The following SLC38A8 variants were observed in gnomAD, a reference collection of about 807,000 sequenced individuals.
SLC38A8 encodes amino acid transporter SLC38A8.
A neutral mutation model predicts 46.0 loss-of-function variants in SLC38A8; 65 were observed. The observed-to-expected ratio is 1.41, with a 90% CI of 1.16 to 1.74. The LOEUF is 1.74. Ranked by LOEUF, SLC38A8 falls within the 40% of genes most tolerant of loss-of-function variation. The pLI is 0.00. For synonymous variants in SLC38A8, 447 were observed against 243.7 expected (o/e 1.83, Z -7.77); for missense variants, 998 against 567.9 (o/e 1.76, Z -7.70).
At chr16:84,033,115 T>G (rs570716680) in intron 4 of SLC38A8, among the ~76,000 whole-genome samples, 2 of 152,262 alleles carry the variant, frequency 1.3e-5, no homozygotes, top group Non-Finnish European at 2.9e-5. Context: ...ATAAACTGAG[T>G]AGCACTGACG....
intron 2 of SLC38A8, among the ~76,000 whole-genome samples, chr16:84,040,647 C>G (rs1193386213): frequency 6.6e-6 from 1 of 152,230 alleles, no homozygotes; most frequent in African/African-American, 2.4e-5. Flanking sequence ...CACACTAGTC[C>G]AAACGCAGGC....
chr16:84,019,700 T>C (rs898057335), intron 7 of SLC38A8, among the ~76,000 whole-genome samples: 15 of 152,156 alleles, frequency 9.9e-5, no homozygotes, highest in African/African-American at 3.4e-4. Flanking sequence ...AGGTCCAAAG[T>C]CCAGAGTGTG....
chr16:84,023,184 C>T (rs537830369), intron 6 of SLC38A8, among the ~76,000 whole-genome samples: 1 of 152,164 alleles, frequency 6.6e-6, no homozygotes, highest in East Asian at 1.9e-4. Flanking sequence ...TCATTACAAA[C>T]ACCCACTGCC....
chr16:84,011,449 G>A (rs1486781656), intron 10 of SLC38A8, among the ~76,000 whole-genome samples: 3 of 152,210 alleles, frequency 2.0e-5, no homozygotes, highest in African/African-American at 7.2e-5. Flanking sequence ...GGCCAGGCCT[G>A]CTCCTTTGCA....
intron 2 of SLC38A8, among the ~76,000 whole-genome samples, chr16:84,039,367 C>G (rs2085341607): frequency 6.6e-6 from 1 of 152,208 alleles, no homozygotes; most frequent in African/African-American, 2.4e-5. Context: ...TCTAAGCTCC[C>G]TGAAGACTGG....
At chr16:84,034,242 G>C (rs538522486) in intron 3 of SLC38A8, among the ~76,000 whole-genome samples, 82 of 152,374 alleles carry the variant, frequency 5.4e-4, no homozygotes, top group African/African-American at 1.9e-3. Flanking sequence ...TTAAAGGCCA[G>C]ACCCAGAATG....
At chr16:84,032,508 G>A (rs1006005287) in intron 4 of SLC38A8, among the ~76,000 whole-genome samples, 4 of 152,160 alleles carry the variant, frequency 2.6e-5, no homozygotes, top group South Asian at 2.1e-4. Context: ...AATGGCACCC[G>A]GCGCCCTTCG....
intron 3 of SLC38A8, among the ~76,000 whole-genome samples, chr16:84,034,778 T>C (rs1013637736): frequency 6.6e-6 from 1 of 151,436 alleles, no homozygotes; most frequent in Admixed American, 6.6e-5. Context: ...ACCGAGATCG[T>C]GGGTGAGTTT....
intron 2 of SLC38A8, among the ~76,000 whole-genome samples, chr16:84,038,687 C>A (rs1277247482): frequency 1.3e-5 from 2 of 152,206 alleles, no homozygotes. Context: ...GGCGGAACAT[C>A]GCCACACCCC....
At chr16:84,012,279 G>A (rs957565718) in intron 10 of SLC38A8, among the ~76,000 whole-genome samples, 2 of 152,214 alleles carry the variant, frequency 1.3e-5, no homozygotes, top group Non-Finnish European at 2.9e-5. Context: ...TCATTCACGT[G>A]TACATCGTCC....
At chr16:84,018,503 G>A (rs1244733399) in intron 7 of SLC38A8, among the ~76,000 whole-genome samples, 1 of 152,076 alleles carries the variant, frequency 6.6e-6, no homozygotes, top group African/African-American at 2.4e-5. Flanking sequence ...ACAGGCATGA[G>A]CCACCGTGCC....
At position 84,031,905 on chromosome 16, in the gene SLC38A8, C is replaced by T. The variant is rs1247165219; in HGVS notation, c.594G>A (p.Trp198Ter). 1.2e-6 allele frequency: 2 copies of T among 1,614,198 alleles called. No homozygotes were observed. The highest frequency in any genetic ancestry group is 1.7e-6 in the Non-Finnish European group (2 of 1,180,024). The stretch of plus-strand genomic sequence containing the variant: ...GGGACTCACGCACGAGGCCCTGGGG[C>T]CAGAGGTAGTACTGCACGGTGATGA... Reference protein sequence around the residue: ...ALVITVQYYLWPQGLVRESHP... With the variant: ...ALVITVQYYL Residue 198 changes from tryptophan to a stop codon, truncating the protein, a stop_gained, in exon 5 of 11, where the codon TGG becomes TGA. Coordinates refer to ENST00000299709, the MANE Select transcript of SLC38A8 (RefSeq NM_001080442.3). LOFTEE classifies it high-confidence loss of function.
intron 2 of SLC38A8, among the ~76,000 whole-genome samples, chr16:84,039,305 A>G (rs2085340593): frequency 6.6e-6 from 1 of 152,226 alleles, no homozygotes; most frequent in Admixed American, 6.5e-5. Flanking sequence ...GGAAACAGAC[A>G]CATGCAATTG....
chr16:84,039,120 C>A (rs1016541874), intron 2 of SLC38A8, among the ~76,000 whole-genome samples: 1 of 152,080 alleles, frequency 6.6e-6, no homozygotes, highest in African/African-American at 2.4e-5. Flanking sequence ...GATTGGAGTC[C>A]TGAGGCCATA....
intron 9 of SLC38A8, among the ~76,000 whole-genome samples, chr16:84,013,351 G>A (rs527754720): frequency 2.0e-5 from 3 of 151,600 alleles, no homozygotes; most frequent in South Asian, 2.1e-4. Flanking sequence ...AGGAGATGGT[G>A]AGAGTCCATG....
chr16:84,036,562 T>C (rs2085301272), intron 3 of SLC38A8, 140 bp downstream of exon 3: 1 of 940,624 alleles, frequency 1.1e-6, no homozygotes. Context: ...CCTACCATGT[T>C]AGGAACAAGA....
chr16:84,028,172 A>G (rs1460511696), intron 6 of SLC38A8, among the ~76,000 whole-genome samples: 2 of 152,100 alleles, frequency 1.3e-5, no homozygotes, highest in African/African-American at 4.8e-5. Flanking sequence ...CCGGTGGTAA[A>G]CCCTGGACAC....
intron 2 of SLC38A8, among the ~76,000 whole-genome samples, chr16:84,037,111 G>C (rs879543100): frequency 6.6e-6 from 1 of 152,210 alleles, no homozygotes; most frequent in Non-Finnish European, 1.5e-5. Flanking sequence ...AGTGCAGGCT[G>C]ATTCTGGCAG....
intron 6 of SLC38A8, among the ~76,000 whole-genome samples, chr16:84,028,735 C>G (rs1352087904): frequency 6.7e-6 from 1 of 150,244 alleles, no homozygotes; most frequent in Non-Finnish European, 1.5e-5. Flanking sequence ...CCACAGAGCC[C>G]TCTGCAGGTC....
Sources: allele counts gnomAD v4.1 joint callset (sites outside exome capture counted in the v4.1 genomes callset), GRCh38; gene constraint gnomAD v4.1.1; transcripts MANE v1.5; gene names NCBI Gene and HGNC (gene_info 2026-07-23, HGNC 2026-07-21).